The following ASTN2 variants were observed in gnomAD, a reference collection of about 807,000 sequenced individuals.
ASTN2 encodes astrotactin 2.
Under a neutral mutation model 139.8 loss-of-function variants are expected in ASTN2, and 54 were observed. That is an observed-to-expected ratio of 0.39 (90% CI 0.31 to 0.48). ASTN2 has a LOEUF of 0.48. Among genes scored for constraint, ASTN2 ranks in the 20% least tolerant of loss-of-function variants. The pLI, the probability that ASTN2 is intolerant of heterozygous loss-of-function variation, is 0.95. For synonymous variants in ASTN2, 756 were observed against 719.5 expected (o/e 1.05, Z -0.81); for missense variants, 1,565 against 1,725.1 (o/e 0.91, Z 1.64).
intron 13 of ASTN2, among the ~76,000 whole-genome samples, chr9:116,738,776 G>A (rs944930827): frequency 6.6e-6 from 1 of 152,158 alleles, no homozygotes; most frequent in Non-Finnish European, 1.5e-5. Context: ...GGCCAAGACC[G>A]CATTCTAACC....
At chr9:117,234,511 A>T (rs1465594554) in intron 2 of ASTN2, among the ~76,000 whole-genome samples, 3 of 152,196 alleles carry the variant, frequency 2.0e-5, no homozygotes, top group African/African-American at 7.2e-5. Context: ...TCCAAATATC[A>T]GAACGGACAG....
In ASTN2 at chr9:116,476,138, C is replaced by T. The variant is rs536130012; in HGVS notation, c.3497+11221G>A. Among the ~76,000 whole-genome samples the T allele has an allele frequency of 3.0e-4, 45 of 152,296 alleles. 1 individual carries two copies. The South Asian group carries it at 7.3e-3, about 25-fold the overall frequency. ...TCTTGGAAAGAATCCTTCCTTGCCA[C>T]TCTCAGCTTCGGATGGCCCGAGGTG... On this transcript the variant is annotated intron_variant, in intron 20 of 22. Transcript: ENST00000313400.
intron 11 of ASTN2, among the ~76,000 whole-genome samples, chr9:116,841,678 G>T (rs948340017): frequency 1.3e-5 from 2 of 152,220 alleles, no homozygotes; most frequent in East Asian, 3.8e-4. Context: ...TGCCCTGGCT[G>T]TTCTGAGTCT....
At position 116,745,355 on chromosome 9, in the gene ASTN2, A is replaced by G. The variant is rs540598400; in HGVS notation, c.2397-11832T>C. 3.7e-4 allele frequency among the ~76,000 whole-genome samples: 57 copies of G among 152,194 alleles called. 1 individual carries two copies. The South Asian group carries it at 9.8e-3, about 26-fold the overall frequency. On this transcript the variant is annotated intron_variant, in intron 13 of 22. Coordinates refer to ENST00000313400, the MANE Select transcript of ASTN2 (RefSeq NM_001365068.1). Reference sequence around the variant, plus strand: ...TGAACTCCTTCCAGGCAGCAGCTGTATTTGTTTCTTCTTTGCAGCCTCCTC... The same window carrying G: ...TGAACTCCTTCCAGGCAGCAGCTGTGTTTGTTTCTTCTTTGCAGCCTCCTC...
chr9:117,006,112 A>G (rs1182115840), intron 7 of ASTN2, among the ~76,000 whole-genome samples: 1 of 152,084 alleles, frequency 6.6e-6, no homozygotes, highest in Non-Finnish European at 1.5e-5. Context: ...CACCAGGTAA[A>G]AGAAGTATCC....
At chr9:116,839,003 G>C (rs901073509) in intron 11 of ASTN2, among the ~76,000 whole-genome samples, 1 of 152,164 alleles carries the variant, frequency 6.6e-6, no homozygotes, top group African/African-American at 2.4e-5. Context: ...ACAATGACTT[G>C]TTCTCCTCCA....
intron 2 of ASTN2, among the ~76,000 whole-genome samples, chr9:117,246,075 T>G (rs2133082507): frequency 6.6e-6 from 1 of 152,232 alleles, no homozygotes; most frequent in Middle Eastern, 3.4e-3. Flanking sequence ...CAAAATAACA[T>G]GTTTTCTAAA....
chr9:116,929,537 G>T (rs931217946), intron 10 of ASTN2, among the ~76,000 whole-genome samples: 1 of 152,134 alleles, frequency 6.6e-6, no homozygotes, highest in African/African-American at 2.4e-5. Context: ...TTGACTCTGT[G>T]CTGCATCTTG....
intron 2 of ASTN2, among the ~76,000 whole-genome samples, chr9:117,255,690 C>A (rs535634714): frequency 6.6e-6 from 1 of 152,078 alleles, no homozygotes; most frequent in East Asian, 1.9e-4. Context: ...AAACAAATGC[C>A]GGGAGAACAC....
intron 1 of ASTN2, among the ~76,000 whole-genome samples, chr9:117,399,860 G>A (rs1327674878): frequency 6.6e-6 from 1 of 152,184 alleles, no homozygotes; most frequent in Non-Finnish European, 1.5e-5. Flanking sequence ...TGATTGATGA[G>A]GCATTGCATT....
At chr9:117,064,202 T>G (rs1212302245) in intron 5 of ASTN2, among the ~76,000 whole-genome samples, 1 of 151,930 alleles carries the variant, frequency 6.6e-6, no homozygotes, top group Non-Finnish European at 1.5e-5. Flanking sequence ...AATTAAAGAT[T>G]AACAGTGGTG....
intron 19 of ASTN2, among the ~76,000 whole-genome samples, chr9:116,541,480 T>A (rs1275068627): frequency 6.6e-6 from 1 of 152,186 alleles, no homozygotes; most frequent in Non-Finnish European, 1.5e-5. Flanking sequence ...TTTTCCTAGT[T>A]AACTCTATTG....
chr9:117,349,341 C>T (rs912944774), intron 1 of ASTN2, among the ~76,000 whole-genome samples: 8 of 152,116 alleles, frequency 5.3e-5, no homozygotes, highest in African/African-American at 1.9e-4. Flanking sequence ...GGCCAGTGTG[C>T]ATGGCTTGCC....
At chr9:116,790,979 GA>G (rs1202418696) in intron 13 of ASTN2, among the ~76,000 whole-genome samples, 1 of 58,214 alleles carries the variant, frequency 1.7e-5, no homozygotes, top group South Asian at 6.5e-4. Flanking sequence ...AAGAAAGAAA[GA>G]AAGAAAGAAA....
chr9:116,793,902 C>A (rs1830619752), intron 13 of ASTN2, among the ~76,000 whole-genome samples: 1 of 152,032 alleles, frequency 6.6e-6, no homozygotes, highest in East Asian at 1.9e-4. Flanking sequence ...GGTTTTCATG[C>A]ATAATAATGA....
At chr9:116,554,349 T>C in intron 19 of ASTN2, among the ~76,000 whole-genome samples, 1 of 152,290 alleles carries the variant, frequency 6.6e-6, no homozygotes, top group Middle Eastern at 3.4e-3. Flanking sequence ...AGGACCCACT[T>C]TGGGATCTGG....
intron 2 of ASTN2, among the ~76,000 whole-genome samples, chr9:117,267,377 C>T (rs749535693): frequency 7.2e-5 from 11 of 152,124 alleles, no homozygotes; most frequent in Non-Finnish European, 1.2e-4. Flanking sequence ...AATAGTGTTG[C>T]ACCCTGGGAT....
At chr9:117,014,246 C>T (rs1447349528) in intron 6 of ASTN2, among the ~76,000 whole-genome samples, 1 of 152,098 alleles carries the variant, frequency 6.6e-6, no homozygotes, top group East Asian at 1.9e-4. Context: ...CTCCCAGGTC[C>T]ACAGAGCCCC....
At chr9:116,992,792 G>C (rs1344604963) in intron 7 of ASTN2, among the ~76,000 whole-genome samples, 1 of 152,144 alleles carries the variant, frequency 6.6e-6, no homozygotes, top group Admixed American at 6.5e-5. Flanking sequence ...AACCTCCCTG[G>C]GGCATAGACA....
Sources: gnomAD v4.1 joint callset for allele counts (sites outside exome capture counted in the v4.1 genomes callset) on GRCh38, gnomAD v4.1.1 for gene constraint, MANE v1.5 for transcripts, NCBI Gene and HGNC (gene_info 2026-07-23, HGNC 2026-07-21) for gene names.